The following AGXT2 variants were observed in gnomAD, a reference collection of about 807,000 sequenced individuals.
AGXT2 encodes the protein alanine--glyoxylate aminotransferase 2, mitochondrial.
Under a neutral mutation model 62.5 loss-of-function variants are expected in AGXT2, and 61 were observed. The observed-to-expected ratio is 0.98, with a 90% CI of 0.79 to 1.21. AGXT2 has a LOEUF of 1.21. Ranked by LOEUF, AGXT2 falls within the 50% of genes most tolerant of loss-of-function variation. The pLI, the probability that AGXT2 is intolerant of heterozygous loss-of-function variation, is 0.00. For missense variants in AGXT2, 666 were observed against 641.5 expected (o/e 1.04, Z -0.41); for synonymous variants, 243 against 218.7 (o/e 1.11, Z -0.98).
chr5:35,007,836 G>T (rs2112179961), intron 12 of AGXT2, among the ~76,000 whole-genome samples: 1 of 152,282 alleles, frequency 6.6e-6, no homozygotes, highest in South Asian at 2.1e-4. Flanking sequence ...GGTGGGGGCA[G>T]ATCCCTCATG....
intron 2 of AGXT2, among the ~76,000 whole-genome samples, chr5:35,039,872 T>G (rs139249902): frequency 3.9e-5 from 6 of 152,342 alleles, no homozygotes; most frequent in Admixed American, 3.9e-4. Context: ...GTTGTGGTAG[T>G]GTTTTAAAAA....
At position 35,047,798 on chromosome 5, in the gene AGXT2, C is replaced by T; in HGVS notation, c.88+7G>A. 1.9e-6 allele frequency: 3 copies of T among 1,613,942 alleles called. No individual in the cohort carries two copies. The highest frequency in any genetic ancestry group is 2.5e-6 in the Non-Finnish European group (3 of 1,179,952). ...TACTGACCCACGTCCCCCTGGTTTC[C>T]ACTTACGGCTCAGGAAAGGATGCAT... is the stretch of plus-strand genomic sequence containing the variant. On this transcript the variant is annotated splice_region_variant and intron_variant, in intron 1 of 13. Coordinates refer to ENST00000231420, the MANE Select transcript of AGXT2 (RefSeq NM_031900.4).
At position 34,998,542 on chromosome 5, in the gene AGXT2, A is replaced by G. The variant is rs1217004106; in HGVS notation, c.*177T>C. ...TTCCCTGAAGAATGGAGTTCTCAAG[A>G]TAAGAGGGGCTCTGCTAACAAATAT... On this transcript the variant is annotated 3_prime_UTR_variant, in exon 14 of 14. Transcript: ENST00000231420. The G allele has an allele frequency of 7.9e-6, 5 of 630,878 alleles. No homozygotes were observed. The East Asian group carries it at 1.1e-4, about 14-fold the overall frequency. 39.1% of individuals were successfully genotyped at this position (630,878 alleles called of 1,614,324 possible).
intron 13 of AGXT2, among the ~76,000 whole-genome samples, chr5:35,002,463 T>C (rs946222583): frequency 1.3e-5 from 2 of 152,180 alleles, no homozygotes; most frequent in African/African-American, 4.8e-5. Context: ...AGTGCTATGA[T>C]CTGGACATTT....
At chr5:35,023,333 A>C (rs1006103906) in intron 9 of AGXT2, among the ~76,000 whole-genome samples, 20 of 152,190 alleles carry the variant, frequency 1.3e-4, no homozygotes, top group Non-Finnish European at 1.3e-4. Flanking sequence ...CTGAGTTAAC[A>C]CATGCAAAGT....
intron 12 of AGXT2, among the ~76,000 whole-genome samples, chr5:35,004,434 G>C (rs1254082660): frequency 6.6e-6 from 1 of 152,128 alleles, no homozygotes; most frequent in African/African-American, 2.4e-5. Flanking sequence ...AAAGGTAAGT[G>C]CTCCAGGAGC....
chr5:35,019,624 A>G (rs1410970619), intron 9 of AGXT2, among the ~76,000 whole-genome samples: 2 of 152,188 alleles, frequency 1.3e-5, no homozygotes, highest in African/African-American at 2.4e-5. Context: ...AGAAAGCAGG[A>G]AAGATCCAAA....
At chr5:35,010,247 A>C (rs1281990368) in intron 11 of AGXT2, 98 bp from the exon 12 acceptor site, 1 of 1,431,518 alleles carries the variant, frequency 7.0e-7, no homozygotes. Flanking sequence ...CTTGTAACTT[A>C]ACCAAACAGA....
intron 7 of AGXT2, chr5:35,027,119 T>C: frequency 6.6e-6 from 4 of 606,072 alleles, no homozygotes; most frequent in Non-Finnish European, 8.3e-6. Context: ...CAGGAGGTTT[T>C]TGTGGGCAGG....
At chr5:35,046,457 A>G (rs1252051098) in intron 1 of AGXT2, among the ~76,000 whole-genome samples, 1 of 152,196 alleles carries the variant, frequency 6.6e-6, no homozygotes, top group Admixed American at 6.5e-5. Flanking sequence ...GGCCTGGTAG[A>G]ATCTCTTCGA....
chr5:35,019,732 C>A (rs890058696), intron 9 of AGXT2, among the ~76,000 whole-genome samples: 1 of 152,064 alleles, frequency 6.6e-6, no homozygotes, highest in Non-Finnish European at 1.5e-5. Flanking sequence ...ATCAACAGAA[C>A]TGAAGGAAAT....
At chr5:35,007,833 G>T (rs1360697172) in intron 12 of AGXT2, among the ~76,000 whole-genome samples, 3 of 152,232 alleles carry the variant, frequency 2.0e-5, no homozygotes, top group Admixed American at 6.5e-5. Flanking sequence ...GGTGGTGGGG[G>T]CAGATCCCTC....
chr5:35,032,182 C>A (rs965482275), intron 7 of AGXT2, among the ~76,000 whole-genome samples: 5 of 151,894 alleles, frequency 3.3e-5, no homozygotes, highest in South Asian at 2.1e-4. Flanking sequence ...AAACTCCCGA[C>A]CTCAGGTGAT....
At chr5:35,035,913 C>T (rs527857291) in intron 4 of AGXT2, among the ~76,000 whole-genome samples, 23 of 152,200 alleles carry the variant, frequency 1.5e-4, no homozygotes, top group African/African-American at 5.5e-4. Context: ...CCCATCTCTA[C>T]TAAAGATACA....
intron 9 of AGXT2, among the ~76,000 whole-genome samples, chr5:35,025,201 C>T (rs1767283723): frequency 6.6e-6 from 1 of 152,038 alleles, no homozygotes; most frequent in South Asian, 2.1e-4. Flanking sequence ...CATGGTGAAA[C>T]CCTGTCTTTA....
intron 7 of AGXT2, among the ~76,000 whole-genome samples, chr5:35,028,861 G>A (rs1426005000): frequency 2.0e-5 from 3 of 152,210 alleles, no homozygotes; most frequent in African/African-American, 7.2e-5. Context: ...TACCATCCCA[G>A]TGCTTGCTTA....
chr5:35,029,634 C>G (rs969496185), intron 7 of AGXT2, among the ~76,000 whole-genome samples: 1 of 152,126 alleles, frequency 6.6e-6, no homozygotes, highest in Non-Finnish European at 1.5e-5. Flanking sequence ...GCTAGTGGTA[C>G]AGAAAGAGTT....
intron 1 of AGXT2, among the ~76,000 whole-genome samples, chr5:35,044,430 T>C (rs1468133074): frequency 1.3e-5 from 2 of 152,238 alleles, no homozygotes; most frequent in African/African-American, 4.8e-5. Context: ...ACATGATCTC[T>C]CACAGCCTTC....
chr5:35,010,381 G>A (rs1222453739), intron 11 of AGXT2, among the ~76,000 whole-genome samples: 2 of 152,148 alleles, frequency 1.3e-5, no homozygotes, highest in African/African-American at 4.8e-5. Flanking sequence ...AGGTGGCTAA[G>A]TATTTAGGAA....
Sources: allele counts gnomAD v4.1 joint callset (sites outside exome capture counted in the v4.1 genomes callset), GRCh38; gene constraint gnomAD v4.1.1; transcripts MANE v1.5; gene names NCBI Gene and HGNC (gene_info 2026-07-23, HGNC 2026-07-21).